ASIC2: variants seen among roughly 807,000 people sequenced by gnomAD.
ASIC2 encodes the protein acid-sensing ion channel 2.
A neutral mutation model predicts 57.3 loss-of-function variants in ASIC2; 25 were observed. The ratio of observed to expected loss-of-function variants is 0.44; its 90% CI spans 0.32 to 0.61. The LOEUF (loss-of-function observed/expected upper bound fraction) is 0.61, where lower values mean the gene tolerates loss of function less well. ASIC2 is among the 20% of genes least tolerant of loss of function. ASIC2 has a pLI of 0.06. For synonymous variants in ASIC2, 319 were observed against 307.5 expected (o/e 1.04, Z -0.39); for missense variants, 641 against 738.1 (o/e 0.87, Z 1.52).
chr17:33,973,213 A>G (rs543158003), intron 1 of ASIC2, among the ~76,000 whole-genome samples: 1 of 152,340 alleles, frequency 6.6e-6, no homozygotes, highest in South Asian at 2.1e-4. Context: ...CCCAGAAGCT[A>G]CCAAAGGGCC....
chr17:33,388,096 G>GCAAAACAAAA (rs61370065), intron 1 of ASIC2, among the ~76,000 whole-genome samples: 228 of 151,588 alleles, frequency 1.5e-3, no homozygotes, highest in Non-Finnish European at 1.5e-3. Flanking sequence ...ACAAAGCAAA[G>GCAAAACAAAA]CAAAACAAAA....
At chr17:33,701,289 A>G (rs1391194577) in intron 1 of ASIC2, among the ~76,000 whole-genome samples, 3 of 152,144 alleles carry the variant, frequency 2.0e-5, no homozygotes, top group African/African-American at 4.8e-5. Context: ...TGGAATACCG[A>G]CCAATCTCTT....
At chr17:33,415,276 T>C (rs1265600286) in intron 1 of ASIC2, among the ~76,000 whole-genome samples, 3 of 152,220 alleles carry the variant, frequency 2.0e-5, no homozygotes, top group African/African-American at 7.2e-5. Flanking sequence ...TCGAATCTAA[T>C]ATGGAATAAC....
At chr17:33,663,043 G>A (rs551053581) in intron 1 of ASIC2, among the ~76,000 whole-genome samples, 24 of 152,278 alleles carry the variant, frequency 1.6e-4, no homozygotes, top group Admixed American at 5.2e-4. Flanking sequence ...ACACGCACTC[G>A]CATGCGCCTG....
At chr17:33,475,767 T>C (rs529011906) in intron 1 of ASIC2, among the ~76,000 whole-genome samples, 1 of 152,216 alleles carries the variant, frequency 6.6e-6, no homozygotes, top group Non-Finnish European at 1.5e-5. Flanking sequence ...AGCGGCCTTA[T>C]CTGAAACAGA....
At chr17:33,486,529 C>T (rs1351391316) in intron 1 of ASIC2, among the ~76,000 whole-genome samples, 1 of 152,184 alleles carries the variant, frequency 6.6e-6, no homozygotes, top group Non-Finnish European at 1.5e-5. Context: ...GGCCCTGGCT[C>T]CAATGGTCAA....
chr17:33,835,951 G>T (rs935796486), intron 1 of ASIC2, among the ~76,000 whole-genome samples: 1 of 150,678 alleles, frequency 6.6e-6, no homozygotes, highest in Non-Finnish European at 1.5e-5. Context: ...CCCAGTATAT[G>T]AAATACTAAT....
chr17:33,312,002 C>A (rs1448175063), intron 1 of ASIC2, among the ~76,000 whole-genome samples: 1 of 152,146 alleles, frequency 6.6e-6, no homozygotes, highest in Non-Finnish European at 1.5e-5. Context: ...AATAAAGTTC[C>A]AACCCTGCAG....
intron 1 of ASIC2, among the ~76,000 whole-genome samples, chr17:33,973,077 C>A (rs1022341317): frequency 6.6e-6 from 1 of 152,248 alleles, no homozygotes; most frequent in South Asian, 2.1e-4. Context: ...AGGGGATGAT[C>A]TGAATCTCTG....
rs562523289 is a variant in ASIC2, at chr17:33,577,263, T to C, written c.556-465196A>G. On this transcript the variant is annotated intron_variant, in intron 1 of 9. Transcript: ENST00000359872. ...AGAGGAGTCCAAGGCTTCTGGAACA[T>C]GTTATGCTCCCTCTGTGGCCCCAGG... Among the ~76,000 whole-genome samples, 9 of 152,270 alleles carry C rather than the reference T, an allele frequency of 5.9e-5. No homozygotes were observed. The South Asian group carries it at 1.9e-3, about 32-fold the overall frequency.
intron 1 of ASIC2, among the ~76,000 whole-genome samples, chr17:33,803,619 G>C (rs1334072545): frequency 1.4e-5 from 2 of 142,906 alleles, no homozygotes; most frequent in Non-Finnish European, 1.5e-5. Context: ...TAACAACAAG[G>C]CTTTGGCTTC....
At chr17:33,125,162 C>T (rs1020790502) in intron 1 of ASIC2, among the ~76,000 whole-genome samples, 1 of 152,176 alleles carries the variant, frequency 6.6e-6, no homozygotes, top group African/African-American at 2.4e-5. Context: ...GGGACCCTTG[C>T]CACAGGGCAA....
intron 1 of ASIC2, among the ~76,000 whole-genome samples, chr17:33,739,509 G>A (rs530262145): frequency 4.6e-5 from 7 of 152,244 alleles, no homozygotes; most frequent in African/African-American, 1.2e-4. Context: ...GTAAATGATA[G>A]CCAGTGGAGC....
intron 1 of ASIC2, among the ~76,000 whole-genome samples, chr17:34,083,096 T>C (rs1354186040): frequency 6.6e-6 from 1 of 151,824 alleles, no homozygotes; most frequent in East Asian, 1.9e-4. Flanking sequence ...TATGTATACA[T>C]GTGCCATGCT....
intron 1 of ASIC2, chr17:33,680,456 A>G (rs1907965747): frequency 1.3e-5 from 2 of 152,336 alleles, no homozygotes; most frequent in African/African-American, 4.8e-5. Context: ...CTCCCCAGGG[A>G]GGAGCAGAGG....
At chr17:34,083,268 C>T (rs1454488822) in intron 1 of ASIC2, among the ~76,000 whole-genome samples, 13 of 150,130 alleles carry the variant, frequency 8.7e-5, no homozygotes, top group Middle Eastern at 3.4e-3. Flanking sequence ...TGAGAATATG[C>T]GGTGTTTGGT....
chr17:33,888,473 C>T lies in ASIC2; in HGVS notation c.555+267505G>A, dbSNP rs35239015. Among the ~76,000 whole-genome samples the T allele has an allele frequency of 2.8e-3, 425 of 152,216 alleles. 1 individual carries two copies. Among genetic ancestry groups the T allele is most frequent in the African/African-American group, 9.8e-3 (407 of 41,534 alleles). On this transcript the variant is annotated intron_variant, in intron 1 of 9. Transcript: ENST00000359872. ...TAACCCTAACCTTCCCACTCTGTAC[C>T]CCAATTTGGCTCCAAGGCTGGGGAC...
chr17:33,932,997 C>T (rs1044117525), intron 1 of ASIC2, among the ~76,000 whole-genome samples: 6 of 151,974 alleles, frequency 3.9e-5, no homozygotes, highest in Non-Finnish European at 7.4e-5. Flanking sequence ...AATTTTGATT[C>T]CTTCTGATTC....
At chr17:33,885,076 C>T (rs1914797575) in intron 1 of ASIC2, among the ~76,000 whole-genome samples, 1 of 152,220 alleles carries the variant, frequency 6.6e-6, no homozygotes, top group South Asian at 2.1e-4. Context: ...ACCAGCTCCA[C>T]TGCCTGCGCA....
Sources: gnomAD v4.1 joint callset for allele counts (sites outside exome capture counted in the v4.1 genomes callset) on GRCh38, gnomAD v4.1.1 for gene constraint, MANE v1.5 for transcripts, NCBI Gene and HGNC (gene_info 2026-07-23, HGNC 2026-07-21) for gene names.